The following ZNF41 variants were observed in gnomAD, a reference collection of about 807,000 sequenced individuals.
ZNF41 encodes the protein zinc finger protein 41.
A neutral mutation model predicts 9.3 loss-of-function variants in ZNF41; 6 were observed. The ratio of observed to expected loss-of-function variants is 0.65; its 90% CI spans 0.35 to 1.28. The LOEUF is 1.28. Among genes scored for constraint, ZNF41 ranks in the 50% most tolerant of loss-of-function variants. The pLI is 0.03. For missense variants in ZNF41, 523 were observed against 585.8 expected (o/e 0.89, Z 1.11); for synonymous variants, 192 against 207.1 (o/e 0.93, Z 0.63).
At chrX:47,475,512 C>A (rs1032779336) in intron 1 of ZNF41, among the ~76,000 whole-genome samples, 1 of 111,779 alleles carries the variant, frequency 8.9e-6, no homozygotes, top group African/African-American at 3.2e-5. Context: ...ACTGGCATAA[C>A]CTTAATACCA....
chrX:47,464,394 G>T (rs1239886721), intron 2 of ZNF41, among the ~76,000 whole-genome samples: 2 of 111,351 alleles, frequency 1.8e-5, no homozygotes, highest in Non-Finnish European at 3.8e-5. Context: ...TGATCCCTCT[G>T]CTTCTTCTCC....
Position 47,448,430 on chromosome X carries a change from G to A in ZNF41, c.1340C>T (p.Ala447Val), listed in dbSNP as rs1163879296. Residue 447 changes from alanine (A) to valine (V), a missense_variant, in exon 5 of 5, where the codon GCC becomes GTC. Coordinates refer to ENST00000684689, the MANE Select transcript of ZNF41 (RefSeq NM_001324144.2). ...KPYVCADCGK[A>V]FIQKSHFNTH... ...GTTGAAATGTGATTTCTGGATGAAG[G>A]CCTTCCCACAGTCAGCGCATACATA... 1.7e-6 allele frequency: 2 copies of A among 1,211,275 alleles called. No homozygotes were observed. Among genetic ancestry groups the A allele is most frequent in the African/African-American group, 1.7e-5 (1 of 57,644 alleles).
Position 47,481,089 on chromosome X carries a change from T to C in ZNF41, c.-280+2006A>G, listed in dbSNP as rs140143694. On this transcript the variant is annotated intron_variant, in intron 1 of 4. Transcript: ENST00000684689. ...ATAACCCAGTGGTAAGAGTGAACAT[T>C]GCAACTGCAATTAGAAAACATTAGA... Among the ~76,000 whole-genome samples, 631 of 111,565 alleles carry C rather than the reference T, an allele frequency of 5.7e-3. 2 individuals are homozygous for C. The highest frequency in any genetic ancestry group is 0.02 in the African/African-American group (604 of 30,723).
At chrX:47,459,181 C>T (rs73494321) in intron 2 of ZNF41, among the ~76,000 whole-genome samples, 2,698 of 106,087 alleles carry the variant, frequency 0.025, 32 homozygotes, top group Middle Eastern at 0.035. Context: ...GAAATCTCGT[C>T]TCTTCTAGAA....
chrX:47,462,697 C>T (rs1310806119), intron 2 of ZNF41, among the ~76,000 whole-genome samples: 1 of 110,491 alleles, frequency 9.1e-6, no homozygotes, highest in Non-Finnish European at 1.9e-5. Context: ...CCTGATTCTT[C>T]CCTGTCCTTG....
At position 47,467,706 on chromosome X, in the gene ZNF41, G is replaced by A. The variant is rs1455859549; in HGVS notation, c.-225C>T. Reference sequence around the variant, plus strand: ...AGTGTCCACATGGTCATCACTCCACGTTCACTCACAAATGTTTTCTGGTGG... The same window carrying A: ...AGTGTCCACATGGTCATCACTCCACATTCACTCACAAATGTTTTCTGGTGG... On this transcript the variant is annotated 5_prime_UTR_variant, in exon 2 of 5. It adds an upstream start codon to the 5' untranslated region. Transcript: ENST00000684689. 6.9e-6 allele frequency: 3 copies of A among 436,382 alleles called. No homozygotes were observed. The highest frequency in any genetic ancestry group is 1.2e-5 in the Non-Finnish European group (3 of 252,639). 36.0% of individuals were successfully genotyped at this position (436,382 alleles called of 1,213,427 possible).
intron 1 of ZNF41, among the ~76,000 whole-genome samples, chrX:47,473,023 C>CA (rs945886771): frequency 5.5e-5 from 6 of 108,136 alleles, no homozygotes; most frequent in African/African-American, 2.0e-4. Context: ...GCCTGGCCTA[C>CA]AAAAAAAATT....
Position 47,467,764 on chromosome X carries a change from C to A in ZNF41, c.-279-4G>T, listed in dbSNP as rs1335658778. 8.2e-6 allele frequency: 3 copies of A among 367,946 alleles called. No homozygotes were observed. Among genetic ancestry groups the A allele is most frequent in the Non-Finnish European group, 1.4e-5 (3 of 211,783 alleles). 30.3% of individuals were successfully genotyped at this position (367,946 alleles called of 1,213,427 possible). A position where few individuals can be genotyped will look rare whatever the true frequency, so the allele number is the denominator to read the frequency against. ...GGGCCGCTCACTGTGCTGGATGCTGCGGAAGAGAAAAGTTCGGTAAAACCC... is the reference window on the plus strand; with the variant it reads ...GGGCCGCTCACTGTGCTGGATGCTGAGGAAGAGAAAAGTTCGGTAAAACCC... On this transcript the variant is annotated splice_region_variant and splice_polypyrimidine_tract_variant and intron_variant, in intron 1 of 4. Transcript: ENST00000684689.
At position 47,449,195 on chromosome X, in the gene ZNF41, C is replaced by T. The variant is rs2056262638; in HGVS notation, c.575G>A (p.Cys192Tyr). ...LVPSIKRLHNCDTILKHTLNS... is the reference protein window; with the variant it reads ...LVPSIKRLHNYDTILKHTLNS... ...TAAAGTATGCTTCAAAATTGTGTCA[C>T]AGTTATGGAGTCTTTTAATTGAAGG... is the stretch of plus-strand genomic sequence containing the variant. The change falls in exon 5 of 5, where the codon TGT becomes TAT. Residue 192 changes from cysteine to tyrosine, a missense_variant. Transcript: ENST00000684689. The T allele has an allele frequency of 8.3e-7, 1 of 1,211,257 alleles. No individual in the cohort carries two copies. Among genetic ancestry groups the T allele is most frequent in the Non-Finnish European group, 1.1e-6 (1 of 895,288 alleles).
chrX:47,464,112 G>A (rs754925846), intron 2 of ZNF41, among the ~76,000 whole-genome samples: 1 of 110,917 alleles, frequency 9.0e-6, no homozygotes, highest in South Asian at 3.8e-4. Context: ...CTGCTATTTG[G>A]TTCCTCTATT....
At chrX:47,471,827 A>G in intron 1 of ZNF41, among the ~76,000 whole-genome samples, 1 of 112,107 alleles carries the variant, frequency 8.9e-6, no homozygotes, top group Non-Finnish European at 1.9e-5. Flanking sequence ...GGCATTTCAC[A>G]AAGAAAATAT....
At chrX:47,450,676 G>A (rs899108391) in intron 4 of ZNF41, among the ~76,000 whole-genome samples, 2 of 111,944 alleles carry the variant, frequency 1.8e-5, no homozygotes, top group South Asian at 3.7e-4. Context: ...CACTGGCCTC[G>A]CTATGTTCTC....
chrX:47,473,357 C>T (rs1199215494), intron 1 of ZNF41, among the ~76,000 whole-genome samples: 1 of 110,837 alleles, frequency 9.0e-6, no homozygotes, highest in Non-Finnish European at 1.9e-5. Flanking sequence ...TAGGCAAATA[C>T]CAAGAAAATG....
At chrX:47,462,910 G>GTATATATA (rs61273021) in intron 2 of ZNF41, among the ~76,000 whole-genome samples, 2,814 of 92,665 alleles carry the variant, frequency 0.03, 146 homozygotes, top group African/African-American at 0.099. Context: ...TTTTTTGTAT[G>GTATATATA]TATATATATA....
intron 1 of ZNF41, among the ~76,000 whole-genome samples, chrX:47,479,954 G>A (rs2057430714): frequency 9.0e-6 from 1 of 110,501 alleles, no homozygotes; most frequent in Non-Finnish European, 1.9e-5. Flanking sequence ...AATTAGCTGG[G>A]CAGGGTGGCA....
intron 1 of ZNF41, among the ~76,000 whole-genome samples, chrX:47,471,316 G>A (rs1432901856): frequency 9.1e-6 from 1 of 109,987 alleles, no homozygotes; most frequent in East Asian, 2.8e-4. Context: ...AGGCGTGGTG[G>A]CAGACGCCTG....
chrX:47,467,215 G>A lies in ZNF41; in HGVS notation c.72+195C>T, dbSNP rs747176210. The A allele has an allele frequency of 1.2e-3, 1,120 of 901,345 alleles. 13 individuals are homozygous for A. The highest frequency in any genetic ancestry group is 3.7e-4 in the Admixed American group (13 of 35,488). The allele number at this position is 901,345 out of a possible 1,213,427, so 74.3% of individuals were successfully genotyped here. ...CATTACACTGTCCACTGAAACACAC[G>A]GGGCTTTGGATGTGGCCTCATCAGC... is the stretch of plus-strand genomic sequence containing the variant. On this transcript the variant is annotated intron_variant, in intron 2 of 4. Transcript: ENST00000684689.
intron 2 of ZNF41, among the ~76,000 whole-genome samples, chrX:47,465,317 A>C (rs1408889029): frequency 8.9e-6 from 1 of 112,213 alleles, no homozygotes; most frequent in Non-Finnish European, 1.9e-5. Context: ...AAGTATACAA[A>C]GTTTTGTTAG....
chrX:47,462,928 C>A (rs1475086978), intron 2 of ZNF41, among the ~76,000 whole-genome samples: 5 of 75,445 alleles, frequency 6.6e-5, no homozygotes, highest in Non-Finnish European at 1.3e-4. Context: ...ATATATATAT[C>A]ACACACATAT....
Sources: gnomAD v4.1 joint callset for allele counts (sites outside exome capture counted in the v4.1 genomes callset) on GRCh38, gnomAD v4.1.1 for gene constraint, MANE v1.5 for transcripts, NCBI Gene and HGNC (gene_info 2026-07-23, HGNC 2026-07-21) for gene names.